The following TPD52L2 variants were observed in gnomAD, a reference collection of about 807,000 sequenced individuals.
The protein encoded by TPD52L2 is tumor protein D54.
A neutral mutation model predicts 24.7 loss-of-function variants in TPD52L2; 19 were observed. The ratio of observed to expected loss-of-function variants is 0.77; its 90% CI spans 0.54 to 1.13. The LOEUF is 1.13. TPD52L2 is among the 50% of genes most tolerant of loss of function. The pLI, the probability that TPD52L2 is intolerant of heterozygous loss-of-function variation, is 0.00. For synonymous variants in TPD52L2, 104 were observed against 100.2 expected, an observed-to-expected ratio of 1.04 and a Z score of -0.23; for missense variants, 236 against 250.4, an observed-to-expected ratio of 0.94 and a Z score of 0.39.
intron 2 of TPD52L2, among the ~76,000 whole-genome samples, chr20:63,871,024 G>A (rs1216760313): frequency 1.3e-5 from 2 of 150,518 alleles, no homozygotes; most frequent in African/African-American, 4.9e-5. Flanking sequence ...CCCCTACAAG[G>A]TGAAGTTCTG....
At chr20:63,882,547 G>A (rs772573830) in intron 4 of TPD52L2, among the ~76,000 whole-genome samples, 172 bp from the exon 5 acceptor site, 1 of 152,380 alleles carries the variant, frequency 6.6e-6, no homozygotes, top group East Asian at 1.9e-4. Flanking sequence ...GCCTCTGGGG[G>A]CCGAGGGGCT....
At chr20:63,875,046 G>A (rs573601911) in intron 3 of TPD52L2, among the ~76,000 whole-genome samples, 2 of 151,968 alleles carry the variant, frequency 1.3e-5, no homozygotes, top group East Asian at 3.9e-4. Context: ...GGAGGCTGAG[G>A]CAGGAGAATC....
At chr20:63,868,105 G>T (rs962800501) in intron 1 of TPD52L2, among the ~76,000 whole-genome samples, 4 of 152,082 alleles carry the variant, frequency 2.6e-5, no homozygotes, top group Admixed American at 6.6e-5. Flanking sequence ...TAGAGACGGG[G>T]TTTCACCATT....
At chr20:63,870,114 G>A (rs953469006) in intron 2 of TPD52L2, among the ~76,000 whole-genome samples, 9 of 152,238 alleles carry the variant, frequency 5.9e-5, no homozygotes, top group African/African-American at 1.9e-4. Flanking sequence ...GTGACAGGGC[G>A]AGACCCTGTC....
chr20:63,886,401 C>T (rs983968430), intron 5 of TPD52L2, among the ~76,000 whole-genome samples: 2 of 151,932 alleles, frequency 1.3e-5, no homozygotes, highest in African/African-American at 4.8e-5. Context: ...TGCTCTGTCG[C>T]CCAGGTTGGA....
chr20:63,867,926 C>A (rs372536570), intron 1 of TPD52L2, among the ~76,000 whole-genome samples: 2 of 151,632 alleles, frequency 1.3e-5, no homozygotes, highest in African/African-American at 2.4e-5. Flanking sequence ...GCATGAGCCA[C>A]CCCGCCCGAC....
rs766434329 is a variant in TPD52L2, at chr20:63,874,138, G to GC, written c.314+328dup. On this transcript the variant is annotated intron_variant, in intron 3 of 6. Coordinates refer to ENST00000346249, the MANE Select transcript of TPD52L2 (RefSeq NM_003288.4). ...GTGATCTTAGCTCGCTGCAACCTCT[G>GC]CCCCCCGGGTTCAAGCGATTCTCCT... 3.3e-5 allele frequency among the ~76,000 whole-genome samples: 5 copies of GC among 150,670 alleles called. No homozygotes were observed. In the East Asian group the frequency reaches 5.9e-4, roughly 18 times the overall value.
rs763956486 is a variant in TPD52L2 at position 63,869,357 on chromosome 20, C to A, written c.81C>A (p.Val27=). ...LLSDSMTDVP[V]DTGVAARTPA... is the part of the protein sequence containing the mutation. ...CTGACTCCATGACGGATGTTCCTGT[C>A]GACACAGGTGTGGCTGCCCGGACTC... The change falls in exon 2 of 7, where the codon GTC becomes GTA. Residue 27 remains valine (V), a synonymous_variant. Coordinates refer to ENST00000346249, the MANE Select transcript of TPD52L2 (RefSeq NM_003288.4). 2.5e-6 allele frequency: 4 copies of A among 1,614,000 alleles called. No individual in the cohort carries two copies. Among genetic ancestry groups the A allele is most frequent in the Non-Finnish European group, 2.5e-6 (3 of 1,180,038 alleles).
At position 63,871,302 on chromosome 20, in the gene TPD52L2, C is replaced by G. The variant is rs923328624; in HGVS notation, c.165+1861C>G. Among the ~76,000 whole-genome samples, 150 of 151,578 alleles carry G rather than the reference C, an allele frequency of 9.9e-4. 2 individuals are homozygous for G. The highest frequency in any genetic ancestry group is 6.8e-4 in the Non-Finnish European group (46 of 67,970). ...AAGAGCTCCACCTGGCTCAGCCTCC[C>G]GAAGTGCTAGGATTACAAATGCGAG... On this transcript the variant is annotated intron_variant, in intron 2 of 6. Transcript: ENST00000346249.
intron 1 of TPD52L2, among the ~76,000 whole-genome samples, chr20:63,866,809 T>C (rs935450984): frequency 1.4e-5 from 2 of 147,376 alleles, no homozygotes; most frequent in African/African-American, 5.1e-5. Context: ...TCTCCCTCTG[T>C]CTCCCAGGCT....
intron 5 of TPD52L2, 180 bp from the exon 6 acceptor site, chr20:63,889,010 C>T: frequency 1.6e-6 from 1 of 634,674 alleles, no homozygotes. Flanking sequence ...CATGGCCGAC[C>T]TCACTTTTGA....
At chr20:63,879,264 C>T (rs2052804708) in intron 4 of TPD52L2, among the ~76,000 whole-genome samples, 1 of 152,214 alleles carries the variant, frequency 6.6e-6, no homozygotes, top group African/African-American at 2.4e-5. Flanking sequence ...CATTTCCACA[C>T]CCGAGCAATG....
At chr20:63,888,577 G>C (rs1280217960) in intron 5 of TPD52L2, 1 of 130,420 alleles carries the variant, frequency 7.7e-6, no homozygotes, top group Non-Finnish European at 1.6e-5. Context: ...GTAGGGGACA[G>C]CAGAGAGGGG....
chr20:63,870,726 T>A (rs1311720601), intron 2 of TPD52L2, among the ~76,000 whole-genome samples: 2 of 150,808 alleles, frequency 1.3e-5, no homozygotes, highest in South Asian at 4.2e-4. Context: ...GGGTTTGTTT[T>A]TTTTTTTTGG....
Position 63,887,339 on chromosome 20 carries a change from C to T in TPD52L2, c.477-1851C>T, listed in dbSNP as rs1349828460. On this transcript the variant is annotated intron_variant, in intron 5 of 6. Coordinates refer to ENST00000346249, the MANE Select transcript of TPD52L2 (RefSeq NM_003288.4). ...TTCCTATGGCAGTGCTCTCCCCCCT[C>T]CCAGTGCTATGCGCTGGGCAACTTG... 9.1e-6 allele frequency: 6 copies of T among 660,804 alleles called. No homozygotes were observed. The African/African-American group carries it at 1.1e-4, about 12-fold the overall frequency. The allele number at this position is 660,804 out of a possible 1,614,324, so 40.9% of individuals were successfully genotyped here. A position where few individuals can be genotyped will look rare whatever the true frequency, so the allele number is the denominator to read the frequency against.
chr20:63,887,497 G>A, intron 5 of TPD52L2: 1 of 1,552,010 alleles, frequency 6.4e-7, no homozygotes, highest in South Asian at 1.1e-5. Context: ...CTGCCAAGTT[G>A]GGGTTGTGTG....
Position 63,890,015 on chromosome 20 carries a change from C to G in TPD52L2, c.*70C>G, listed in dbSNP as rs976356977. ...TCAGCATCACAGCCGCAGCTCTGTTCAGCGGAGCAGCCAGCCAGGGCGGAT... is the reference window on the plus strand; with the variant it reads ...TCAGCATCACAGCCGCAGCTCTGTTGAGCGGAGCAGCCAGCCAGGGCGGAT... On this transcript the variant is annotated 3_prime_UTR_variant, in exon 7 of 7. Transcript: ENST00000346249. The G allele has an allele frequency of 1.3e-6, 2 of 1,599,080 alleles. No individual in the cohort carries two copies. The highest frequency in any genetic ancestry group is 1.7e-6 in the Non-Finnish European group (2 of 1,173,700).
chr20:63,889,372 T>A, intron 6 of TPD52L2, 134 bp downstream of exon 6: 1 of 816,828 alleles, frequency 1.2e-6, no homozygotes, highest in Non-Finnish European at 2.1e-6. Context: ...TCCTTGTGCC[T>A]TTTACACAGT....
intron 1 of TPD52L2, among the ~76,000 whole-genome samples, chr20:63,867,283 AGGCT>A (rs1370280351): frequency 6.6e-6 from 1 of 152,118 alleles, no homozygotes; most frequent in African/African-American, 2.4e-5. Flanking sequence ...TAGAACAGAA[AGGCT>A]GGGCTCGGTG....
Sources: gnomAD v4.1 joint callset for allele counts (sites outside exome capture counted in the v4.1 genomes callset) on GRCh38, gnomAD v4.1.1 for gene constraint, MANE v1.5 for transcripts, NCBI Gene and HGNC (gene_info 2026-07-23, HGNC 2026-07-21) for gene names.